GNAT3: variants seen among roughly 807,000 people sequenced by gnomAD.
GNAT3 encodes the protein guanine nucleotide-binding protein G(t) subunit alpha-3.
In GNAT3, 31 loss-of-function variants were observed where a neutral mutation model predicts 37.7. That is an observed-to-expected ratio of 0.82 (90% CI 0.62 to 1.11). The LOEUF is 1.11. Among genes scored for constraint, GNAT3 ranks in the 50% most tolerant of loss-of-function variants. The probability of loss-of-function intolerance (pLI) is 0.00; values close to 1 mark genes in which losing one functional copy is unlikely to be tolerated. For missense variants in GNAT3, 437 were observed against 412.5 expected (o/e 1.06, Z -0.51); for synonymous variants, 138 against 139.8 (o/e 0.99, Z 0.09).
intron 5 of GNAT3, among the ~76,000 whole-genome samples, chr7:80,464,546 TTG>T (rs1790101996): frequency 6.6e-6 from 1 of 152,112 alleles, no homozygotes; most frequent in Non-Finnish European, 1.5e-5. Flanking sequence ...TTGTTTGTTG[TTG>T]TGTTAGATCA....
chr7:80,496,423 A>T (rs187425897), intron 1 of GNAT3, among the ~76,000 whole-genome samples: 2 of 152,098 alleles, frequency 1.3e-5, no homozygotes, highest in East Asian at 3.9e-4. Flanking sequence ...GAGCCACTGC[A>T]CCCAACCCAC....
chr7:80,484,501 A>G (rs1338069525), intron 3 of GNAT3, among the ~76,000 whole-genome samples: 1 of 152,084 alleles, frequency 6.6e-6, no homozygotes, highest in Non-Finnish European at 1.5e-5. Context: ...GTAGGGTTCT[A>G]TGTCCAAGAT....
Position 80,499,761 on chromosome 7 carries a change from G to T in GNAT3, c.119-5114C>A, listed in dbSNP as rs377751677. ...CACATAGCTGGATTCATCATGTTTT[G>T]GAACTAAATAGATATGAGCTTGCAC... On this transcript the variant is annotated intron_variant, in intron 1 of 7. Transcript: ENST00000398291. Among the ~76,000 whole-genome samples the T allele has an allele frequency of 1.5e-3, 234 of 151,976 alleles. 7 individuals carry two copies. In the South Asian group the frequency reaches 0.047, roughly 31 times the overall value.
At position 80,511,927 on chromosome 7, in the gene GNAT3, C is replaced by A. The variant is rs1239142043; in HGVS notation, c.-1G>T. ...TCTCTGAACTAATTCCACTTCCCAT[C>A]TTGTGGTGGTAGATACTTGTCAGTT... On this transcript the variant is annotated 5_prime_UTR_variant, in exon 1 of 8. Coordinates refer to ENST00000398291, the MANE Select transcript of GNAT3 (RefSeq NM_001102386.3). The A allele has an allele frequency of 6.3e-7, 1 of 1,594,748 alleles. No homozygotes were observed. The highest frequency in any genetic ancestry group is 1.3e-5 in the African/African-American group (1 of 74,508).
intron 1 of GNAT3, among the ~76,000 whole-genome samples, chr7:80,505,491 C>T (rs775029246): frequency 2.0e-5 from 3 of 152,102 alleles, no homozygotes; most frequent in Non-Finnish European, 4.4e-5. Flanking sequence ...CTCAGCCTCC[C>T]GAGTAGCTGG....
chr7:80,484,697 C>T (rs1363884556), intron 3 of GNAT3, among the ~76,000 whole-genome samples: 1 of 151,876 alleles, frequency 6.6e-6, no homozygotes, highest in African/African-American at 2.4e-5. Flanking sequence ...AGGTTTGTTA[C>T]ATAGGTAACA....
intron 2 of GNAT3, among the ~76,000 whole-genome samples, chr7:80,490,061 A>G (rs968319541): frequency 6.6e-6 from 1 of 152,144 alleles, no homozygotes; most frequent in African/African-American, 2.4e-5. Flanking sequence ...GAGCACTCCA[A>G]CTGCAAAGTT....
At chr7:80,467,904 T>C (rs1322690046) in intron 5 of GNAT3, among the ~76,000 whole-genome samples, 5 of 152,166 alleles carry the variant, frequency 3.3e-5, no homozygotes, top group African/African-American at 1.2e-4. Flanking sequence ...ACAGTCCTCA[T>C]TTGGGATTTT....
In GNAT3 at chr7:80,458,763, A is replaced by G; in HGVS notation, c.973T>C (p.Cys325Arg). 6.3e-7 allele frequency: 1 copy of G among 1,598,830 alleles called. No individual in the cohort carries two copies. The highest frequency in any genetic ancestry group is 1.7e-5 in the Admixed American group (1 of 58,380). The change falls in exon 8 of 8, where the codon TGT (cysteine) becomes CGT (arginine). Residue 325 changes from cysteine (C) to arginine (R), a missense_variant. Coordinates refer to ENST00000398291, the MANE Select transcript of GNAT3 (RefSeq NM_001102386.3). ...EDKEIYSHMT[C>R]ATDTQNVKFV... The stretch of plus-strand genomic sequence containing the variant: ...TTGACATTTTGGGTGTCAGTAGCAC[A>G]GGTCATGTGGGAATAAATTTCCTTA...
chr7:80,511,941 T>C lies in GNAT3; in HGVS notation c.-15A>G, dbSNP rs200959100. 5.1e-6 allele frequency: 8 copies of C among 1,554,682 alleles called. No individual in the cohort carries two copies. In the African/African-American group the frequency reaches 6.8e-5, roughly 13 times the overall value. ...CCACTTCCCATCTTGTGGTGGTAGA[T>C]ACTTGTCAGTTTATATGTTCAGATT... On this transcript the variant is annotated 5_prime_UTR_variant, in exon 1 of 8. Transcript: ENST00000398291.
chr7:80,508,030 A>G (rs944555820), intron 1 of GNAT3, among the ~76,000 whole-genome samples: 9 of 151,988 alleles, frequency 5.9e-5, no homozygotes, highest in African/African-American at 2.2e-4. Flanking sequence ...CTCTTACAAT[A>G]TAGCACAAAG....
chr7:80,478,726 A>G, intron 4 of GNAT3, 115 bp downstream of exon 4: 1 of 1,011,558 alleles, frequency 9.9e-7, no homozygotes, highest in Non-Finnish European at 1.4e-6. Flanking sequence ...TACTCTAATA[A>G]AATGTAACAC....
At chr7:80,476,829 GC>G (rs563862367) in intron 4 of GNAT3, among the ~76,000 whole-genome samples, 187 of 151,698 alleles carry the variant, frequency 1.2e-3, no homozygotes, top group African/African-American at 4.3e-3. Flanking sequence ...TTCTCAGCAA[GC>G]TTTCCTTTTA....
At chr7:80,477,090 G>A (rs1029528211) in intron 4 of GNAT3, among the ~76,000 whole-genome samples, 4 of 152,018 alleles carry the variant, frequency 2.6e-5, no homozygotes, top group Non-Finnish European at 5.9e-5. Context: ...CTATAATGGA[G>A]TAGATAGTCC....
At chr7:80,468,023 T>G (rs1039662430) in intron 5 of GNAT3, among the ~76,000 whole-genome samples, 7 of 152,064 alleles carry the variant, frequency 4.6e-5, no homozygotes, top group African/African-American at 1.7e-4. Flanking sequence ...TTAAAAAATT[T>G]AAATAACTAA....
chr7:80,481,943 C>T (rs778815123), intron 3 of GNAT3, among the ~76,000 whole-genome samples: 4 of 152,142 alleles, frequency 2.6e-5, no homozygotes, highest in South Asian at 2.1e-4. Flanking sequence ...TGGAAGGTCC[C>T]GCTTCAAATT....
chr7:80,500,420 A>G (rs1360341564), intron 1 of GNAT3, among the ~76,000 whole-genome samples: 1 of 152,118 alleles, frequency 6.6e-6, no homozygotes, highest in Non-Finnish European at 1.5e-5. Context: ...GTTATTTGGA[A>G]GTCTGACTTG....
intron 1 of GNAT3, among the ~76,000 whole-genome samples, chr7:80,511,086 A>C (rs10226853): frequency 0.58 from 88,307 of 151,868 alleles, 25,892 homozygotes; most frequent in East Asian, 0.72. Flanking sequence ...TATAGAAAAA[A>C]TCTGCATATG....
At chr7:80,497,676 A>ACATATACGTATATACATATACG (rs1361283267) in intron 1 of GNAT3, among the ~76,000 whole-genome samples, 2 of 95,874 alleles carry the variant, frequency 2.1e-5, no homozygotes, top group African/African-American at 1.8e-4. Context: ...ATATACATAC[A>ACATATACGTATATACATATACG]TATATACACA....
Sources: gnomAD v4.1 joint callset for allele counts (sites outside exome capture counted in the v4.1 genomes callset) on GRCh38, gnomAD v4.1.1 for gene constraint, MANE v1.5 for transcripts, NCBI Gene and HGNC (gene_info 2026-07-23, HGNC 2026-07-21) for gene names.